The following RPGRIP1L variants were observed in gnomAD, a reference collection of about 807,000 sequenced individuals.
RPGRIP1L encodes RPGRIP1 like.
Under a neutral mutation model 160.4 loss-of-function variants are expected in RPGRIP1L, and 131 were observed. That is an observed-to-expected ratio of 0.82 (90% CI 0.71 to 0.94). The LOEUF (loss-of-function observed/expected upper bound fraction) is 0.94. Among genes scored for constraint, RPGRIP1L ranks in the 40% least tolerant of loss-of-function variants. The pLI is 0.00. For synonymous variants in RPGRIP1L, 510 were observed against 515.8 expected, an observed-to-expected ratio of 0.99 and a Z score of 0.15; for missense variants, 1,522 against 1,535.8, an observed-to-expected ratio of 0.99 and a Z score of 0.15.
intron 4 of RPGRIP1L, among the ~76,000 whole-genome samples, chr16:53,691,464 T>C (rs1970379076): frequency 6.6e-6 from 1 of 152,216 alleles, no homozygotes; most frequent in Non-Finnish European, 1.5e-5. Context: ...TATGATCATT[T>C]TTAGAGATGG....
intron 11 of RPGRIP1L, 30 bp from the exon 12 acceptor site, chr16:53,658,494 G>A: frequency 6.5e-7 from 1 of 1,533,980 alleles, no homozygotes; most frequent in Non-Finnish European, 9.0e-7. Flanking sequence ...AGCTCACAAT[G>A]AGTTATGAAT....
chr16:53,698,478 G>C (rs1220508102), intron 2 of RPGRIP1L, among the ~76,000 whole-genome samples: 1 of 144,636 alleles, frequency 6.9e-6, no homozygotes, highest in Admixed American at 6.8e-5. Context: ...CAGCCGCCCC[G>C]TCCAGGAGGG....
At position 53,696,186 on chromosome 16, in the gene RPGRIP1L, T is replaced by G; in HGVS notation, c.195A>C (p.Lys65Asn). ...TATCCTCCTGCTTGCGGGCATGCTG[T>G]TTAAGTAAAATGTTCTCATCATGCA... Reference protein sequence around the residue: ...LRLHDENILLKQHARKQEDKI... With the variant: ...LRLHDENILLNQHARKQEDKI... Residue 65 changes from lysine to asparagine, a missense_variant, in exon 3 of 27, where the codon AAA (lysine) becomes AAC (asparagine). By Grantham distance (94) the Lys-to-Asn change is moderately conservative. Transcript: ENST00000647211. 1.2e-6 allele frequency: 2 copies of G among 1,614,006 alleles called. No individual in the cohort carries two copies. The highest frequency in any genetic ancestry group is 1.7e-6 in the Non-Finnish European group (2 of 1,179,960).
intron 22 of RPGRIP1L, among the ~76,000 whole-genome samples, chr16:53,624,921 A>T (rs1964989435): frequency 6.6e-6 from 1 of 151,598 alleles, no homozygotes; most frequent in Admixed American, 6.6e-5. Flanking sequence ...GTGCGCCACC[A>T]CGCCTGACTG....
intron 15 of RPGRIP1L, among the ~76,000 whole-genome samples, chr16:53,651,344 T>C (rs1966851631): frequency 6.6e-6 from 1 of 152,206 alleles, no homozygotes; most frequent in Non-Finnish European, 1.5e-5. Context: ...CACCATCGTC[T>C]TTCCTTGATC....
In RPGRIP1L at chr16:53,692,106, T is replaced by G; in HGVS notation, c.489A>C (p.Lys163Asn). Residue 163 changes from lysine to asparagine, a missense_variant, in exon 4 of 27, where the codon AAA becomes AAC. By Grantham distance (94) the Lys-to-Asn change is moderately conservative. Transcript: ENST00000647211. The stretch of plus-strand genomic sequence containing the variant: ...CCTGTAAACCAGCATTTTCATTTGC[T>G]TTTCTACGCCCAGTGTTAATACGAG... ...VQSRINTGRR[K>N]ANENAGLQEC... 2 of 1,614,204 alleles carry G rather than the reference T, an allele frequency of 1.2e-6. No homozygotes were observed. The highest frequency in any genetic ancestry group is 1.7e-6 in the Non-Finnish European group (2 of 1,180,032).
chr16:53,611,164 C>CT, intron 24 of RPGRIP1L, 113 bp from the exon 25 acceptor site: 2 of 751,226 alleles, frequency 2.7e-6, no homozygotes, highest in Non-Finnish European at 4.6e-6. Flanking sequence ...GTCATGCCAC[C>CT]TCACTTGCAT....
chr16:53,674,393 C>T lies in RPGRIP1L; in HGVS notation c.882+624G>A, dbSNP rs570487585. On this transcript the variant is annotated intron_variant, in intron 7 of 26. Coordinates refer to ENST00000647211, the MANE Select transcript of RPGRIP1L (RefSeq NM_015272.5). ...TTATGCAGTGCCAACAAATAGAAGC[C>T]CTCAGATGGCATATTCCTGTGGGGT... 6.2e-4 allele frequency among the ~76,000 whole-genome samples: 95 copies of T among 152,128 alleles called. 1 individual carries two copies. Among genetic ancestry groups the T allele is most frequent in the South Asian group, 1.2e-3 (6 of 4,816 alleles).
Position 53,636,462 on chromosome 16 carries a change from G to A in RPGRIP1L, c.3271C>T (p.Pro1091Ser). ...SDSDDCIIPG[P>S]ISKNIKQSLA... ...ACCTGTTTGATATTCTTGGAGATAG[G>A]ACCTGGAATAATACAGTCATCACTG... Residue 1091 changes from proline (P) to serine (S), a missense_variant, in exon 22 of 27, where the codon CCT becomes TCT. Coordinates refer to ENST00000647211, the MANE Select transcript of RPGRIP1L (RefSeq NM_015272.5). 5.0e-6 allele frequency: 8 copies of A among 1,611,838 alleles called. No homozygotes were observed. The highest frequency in any genetic ancestry group is 6.8e-6 in the Non-Finnish European group (8 of 1,178,260).
At chr16:53,628,118 CTGTGTGTGTG>C (rs3035255) in intron 22 of RPGRIP1L, 1 of 146,566 alleles carries the variant, frequency 6.8e-6, no homozygotes, top group Non-Finnish European at 1.5e-5. Context: ...TATAAAAATA[CTGTGTGTGTG>C]TGTGTGTGTG....
chr16:53,695,562 A>C, intron 3 of RPGRIP1L: 1 of 612,090 alleles, frequency 1.6e-6, no homozygotes, highest in Non-Finnish European at 2.9e-6. Context: ...TTTCTGAATA[A>C]AAAAGAATGA....
At position 53,652,842 on chromosome 16, in the gene RPGRIP1L, G is replaced by C; in HGVS notation, c.1845C>G (p.Thr615=). 6.2e-7 allele frequency: 1 copy of C among 1,613,274 alleles called. No homozygotes were observed. The highest frequency in any genetic ancestry group is 1.1e-5 in the South Asian group (1 of 90,884). ...NLFEIHINKV[T]FSSEVLQASG... Reference sequence around the variant, plus strand: ...ATGCCTGTAAAACTTCAGAAGAAAAGGTTACTTTGTTGATATGGATTTCAA... The same window carrying C: ...ATGCCTGTAAAACTTCAGAAGAAAACGTTACTTTGTTGATATGGATTTCAA... Residue 615 remains threonine (T), a synonymous_variant, in exon 15 of 27, where the codon ACC becomes ACG. Transcript: ENST00000647211.
intron 2 of RPGRIP1L, among the ~76,000 whole-genome samples, chr16:53,698,520 C>G (rs1400398894): frequency 6.8e-6 from 1 of 147,280 alleles, no homozygotes; most frequent in Non-Finnish European, 1.5e-5. Flanking sequence ...GCCCGGCCAG[C>G]CGCCCCGTCT....
Position 53,653,003 on chromosome 16 carries a change from C to A in RPGRIP1L, c.1700-16G>T, listed in dbSNP as rs1555604481. The A allele has an allele frequency of 6.3e-7, 1 of 1,595,848 alleles. No individual in the cohort carries two copies. The highest frequency in any genetic ancestry group is 8.6e-7 in the Non-Finnish European group (1 of 1,165,474). ...TTTAATTGGGCTGCAAGAGAAGACA[C>A]ACAGTTTAGAGATTTCAAAATATTG... On this transcript the variant is annotated splice_polypyrimidine_tract_variant and intron_variant, in intron 14 of 26. Transcript: ENST00000647211.
rs1966512862 is a variant in RPGRIP1L, at chr16:53,645,899, C to A, written c.2409G>T (p.Gln803His). Residue 803 changes from glutamine (Q) to histidine (H), a missense_variant, in exon 17 of 27, where the codon CAG becomes CAT. Transcript: ENST00000647211. ...GTGGCTGCAGGTGGCTTGCTCGGGACTGCAGGTGGTTGCAACATCTTATTG... is the reference window on the plus strand; with the variant it reads ...GTGGCTGCAGGTGGCTTGCTCGGGAATGCAGGTGGTTGCAACATCTTATTG... ...HITIRCCNHL[Q>H]SRASHLQPHP... The A allele has an allele frequency of 2.5e-6, 4 of 1,613,978 alleles. No homozygotes were observed. The East Asian group carries it at 6.7e-5, about 27-fold the overall frequency.
At chr16:53,629,060 G>A (rs1431311016) in intron 22 of RPGRIP1L, among the ~76,000 whole-genome samples, 1 of 152,034 alleles carries the variant, frequency 6.6e-6, no homozygotes, top group African/African-American at 2.4e-5. Flanking sequence ...TGTGAAGCAA[G>A]GAGAATTTTA....
Position 53,657,451 on chromosome 16 carries a change from A to AC in RPGRIP1L, c.1581+1dup, listed in dbSNP as rs1567847286. Reference sequence around the variant, plus strand: ...CTTTCCCCATTTAGTGTATTACATTACCTGATAATCTTTATTAATTTTGTG... The same window carrying AC: ...CTTTCCCCATTTAGTGTATTACATTACCCTGATAATCTTTATTAATTTTGTG... On this transcript the variant is annotated splice_donor_variant, in intron 13 of 26. Transcript: ENST00000647211. LOFTEE classifies it high-confidence loss of function. The AC allele has an allele frequency of 1.9e-6, 3 of 1,591,702 alleles. No homozygotes were observed. Among genetic ancestry groups the AC allele is most frequent in the Non-Finnish European group, 2.6e-6 (3 of 1,161,150 alleles).
At chr16:53,667,737 G>T (rs1968390205) in intron 9 of RPGRIP1L, among the ~76,000 whole-genome samples, 1 of 152,098 alleles carries the variant, frequency 6.6e-6, no homozygotes, top group East Asian at 1.9e-4. Context: ...GGCAGGTGTG[G>T]TGACAAACAC....
chr16:53,658,725 G>T, intron 11 of RPGRIP1L, 47 bp downstream of exon 11: 1 of 1,261,874 alleles, frequency 7.9e-7, no homozygotes, highest in South Asian at 1.3e-5. Context: ...ATAAAATATT[G>T]AGATAAAAAT....
Sources: gnomAD v4.1 joint callset for allele counts (sites outside exome capture counted in the v4.1 genomes callset) on GRCh38, gnomAD v4.1.1 for gene constraint, MANE v1.5 for transcripts, NCBI Gene and HGNC (gene_info 2026-07-23, HGNC 2026-07-21) for gene names.